CACNA1C: variants seen among roughly 807,000 people sequenced by gnomAD.
CACNA1C encodes the protein calcium voltage-gated channel subunit alpha1 C.
CACNA1C carries 30 observed loss-of-function variants against 229.0 expected under a neutral mutation model. The ratio of observed to expected loss-of-function variants is 0.13; its 90% CI spans 0.10 to 0.18. The LOEUF is 0.18. Ranked by LOEUF, CACNA1C falls within the 10% of genes least tolerant of loss-of-function variation. CACNA1C has a pLI of 1.00. For synonymous variants in CACNA1C, 1,114 were observed against 1,132.5 expected (o/e 0.98, Z 0.33); for missense variants, 1,658 against 2,845.0 (o/e 0.58, Z 9.49).
intron 4 of CACNA1C, among the ~76,000 whole-genome samples, chr12:2,457,021 A>C (rs1241746556): frequency 6.6e-6 from 1 of 152,212 alleles, no homozygotes; most frequent in Non-Finnish European, 1.5e-5. Flanking sequence ...ACCCCACTTG[A>C]GACCTTCTTG....
At chr12:2,376,940 G>A (rs1050050114) in intron 3 of CACNA1C, among the ~76,000 whole-genome samples, 19 of 152,194 alleles carry the variant, frequency 1.2e-4, no homozygotes, top group Admixed American at 5.9e-4. Flanking sequence ...GGTAGGAATC[G>A]CAGGGACCAT....
intron 3 of CACNA1C, among the ~76,000 whole-genome samples, chr12:2,188,861 G>C (rs1391518557): frequency 1.3e-5 from 2 of 152,076 alleles, no homozygotes; most frequent in African/African-American, 4.8e-5. Context: ...GGGAGGCCGA[G>C]GCAGGCGGAT....
At chr12:2,071,681 TGGATAA>T (rs2061400104) in intron 1 of CACNA1C, among the ~76,000 whole-genome samples, 1 of 152,246 alleles carries the variant, frequency 6.6e-6, no homozygotes, top group African/African-American at 2.4e-5. Context: ...TGCTACACTC[TGGATAA>T]TTTCTTCTGC....
At chr12:2,656,330 C>T (rs921833119) in intron 34 of CACNA1C, among the ~76,000 whole-genome samples, 1 of 152,130 alleles carries the variant, frequency 6.6e-6, no homozygotes, top group Admixed American at 6.5e-5. Flanking sequence ...AGAAATCAGT[C>T]CCTTTTACAA....
chr12:2,380,819 C>T (rs1366676135), intron 3 of CACNA1C, among the ~76,000 whole-genome samples: 2 of 152,164 alleles, frequency 1.3e-5, no homozygotes, highest in Non-Finnish European at 2.9e-5. Flanking sequence ...TCTTTGGGGG[C>T]CCTGCTTGGG....
intron 10 of CACNA1C, 68 bp from the exon 11 acceptor site, chr12:2,556,883 A>G (rs2044608660): frequency 2.3e-6 from 3 of 1,318,870 alleles, no homozygotes; most frequent in South Asian, 2.3e-5. Flanking sequence ...TTTCCCTGGG[A>G]CTGTTGACCG....
chr12:2,362,780 G>C (rs954272477), intron 3 of CACNA1C, among the ~76,000 whole-genome samples: 8 of 152,206 alleles, frequency 5.3e-5, no homozygotes, highest in Non-Finnish European at 1.2e-4. Context: ...AGAATGGAAA[G>C]AGAGCAGGGA....
intron 3 of CACNA1C, among the ~76,000 whole-genome samples, chr12:2,268,919 A>G (rs193248581): frequency 6.6e-6 from 1 of 151,860 alleles, no homozygotes; most frequent in Admixed American, 6.6e-5. Flanking sequence ...CCTTGGGCAG[A>G]CTCTGAGCAT....
intron 1 of CACNA1C, among the ~76,000 whole-genome samples, chr12:2,025,818 G>A (rs1054069992): frequency 6.6e-6 from 1 of 152,074 alleles, no homozygotes; most frequent in African/African-American, 2.4e-5. Context: ...CTCTTCTCAG[G>A]TTTTAAACTC....
chr12:2,326,034 ACT>A (rs944220641), intron 3 of CACNA1C, among the ~76,000 whole-genome samples: 2 of 152,050 alleles, frequency 1.3e-5, no homozygotes, highest in Non-Finnish European at 2.9e-5. Flanking sequence ...GCCTGCAGAA[ACT>A]CTGGGGGCAG....
chr12:2,582,517 C>T (rs566944778), intron 14 of CACNA1C, among the ~76,000 whole-genome samples: 26 of 152,298 alleles, frequency 1.7e-4, no homozygotes, highest in African/African-American at 5.3e-4. Flanking sequence ...AGGGTCCTGA[C>T]GCCTTACCCC....
chr12:2,169,115 G>C (rs550097883), intron 3 of CACNA1C, among the ~76,000 whole-genome samples: 7 of 152,284 alleles, frequency 4.6e-5, no homozygotes, highest in Admixed American at 2.6e-4. Flanking sequence ...TTTAGTGCTT[G>C]AAAGTAGCTG....
Position 2,146,812 on chromosome 12 carries a change from CTG to C in CACNA1C, c.477+26385_477+26386del, listed in dbSNP as rs1007825304. Among the ~76,000 whole-genome samples the C allele has an allele frequency of 2.0e-5, 3 of 150,724 alleles. 1 individual carries two copies. Among genetic ancestry groups the C allele is most frequent in the African/African-American group, 4.9e-5 (2 of 41,056 alleles). On this transcript the variant is annotated intron_variant, in intron 3 of 46. Transcript: ENST00000399655. ...GCAGAATGGGTTTGTTATGACTTGA[CTG>C]TGATTTTTCAGGCCTTTAATCATCC...
At chr12:2,669,559 C>T (rs1022362614) in intron 38 of CACNA1C, among the ~76,000 whole-genome samples, 1 of 152,152 alleles carries the variant, frequency 6.6e-6, no homozygotes, top group Non-Finnish European at 1.5e-5. Context: ...CAGAAGGAGA[C>T]GGGTGTTACC....
intron 3 of CACNA1C, among the ~76,000 whole-genome samples, chr12:2,158,881 G>A (rs1402213422): frequency 2.0e-5 from 3 of 152,202 alleles, no homozygotes; most frequent in Non-Finnish European, 4.4e-5. Context: ...GATGGAGTAT[G>A]TGAGAGGGGG....
intron 3 of CACNA1C, among the ~76,000 whole-genome samples, chr12:2,161,807 C>T (rs907890374): frequency 1.3e-5 from 2 of 152,146 alleles, no homozygotes; most frequent in Admixed American, 1.3e-4. Context: ...TTTGCAAGCC[C>T]GTTTATATAC....
chr12:1,995,190 T>C (rs1455382051), intron 1 of CACNA1C, among the ~76,000 whole-genome samples: 2 of 152,228 alleles, frequency 1.3e-5, no homozygotes, highest in South Asian at 4.1e-4. Context: ...AGAAAATATT[T>C]GTATGATTTG....
rs184684058 is a variant in CACNA1C at position 2,595,976 on chromosome 12, G to A, written c.2766G>A (p.Pro922=). Residue 922 remains proline (P), a synonymous_variant, in exon 20 of 47, where the codon CCG becomes CCA. Coordinates refer to ENST00000399655, the MANE Select transcript of CACNA1C (RefSeq NM_000719.7). This position sits in a 1 kb window ranked among gnomAD's most constrained non-coding sequence, Gnocchi z 4.1. Reference sequence around the variant, plus strand: ...GCATTTCCCTGGCTGCTGAGGACCCGGTCCAGCACACCTCCTTCAGGAACC... The same window carrying A: ...GCATTTCCCTGGCTGCTGAGGACCCAGTCCAGCACACCTCCTTCAGGAACC... ...LSSISLAAED[P]VQHTSFRNHI... The A allele has an allele frequency of 1.6e-4, 257 of 1,612,976 alleles. 2 individuals are homozygous for A. The African/African-American group carries it at 1.8e-3, about 11-fold the overall frequency.
At chr12:2,004,688 C>T in intron 1 of CACNA1C, 1 of 506,346 alleles carries the variant, frequency 2.0e-6, no homozygotes. Flanking sequence ...CCGTTTCTTT[C>T]TCCAAGAGCT....
Sources: gnomAD v4.1 joint callset for allele counts (sites outside exome capture counted in the v4.1 genomes callset) on GRCh38, gnomAD v4.1.1 for gene constraint, Gnocchi (gnomAD v3.1) non-coding constraint, MANE v1.5 for transcripts, NCBI Gene and HGNC (gene_info 2026-07-23, HGNC 2026-07-21) for gene names.